Variants in ABCB10 observed in about 807,000 individuals in gnomAD.
ABCB10 encodes the protein ATP-binding cassette sub-family B member 10, mitochondrial.
ABCB10 carries 54 observed loss-of-function variants against 65.4 expected under a neutral mutation model. That is an observed-to-expected ratio of 0.83 (90% CI 0.66 to 1.04). The LOEUF is 1.04. ABCB10 is among the 50% of genes least tolerant of loss of function. The probability of loss-of-function intolerance (pLI) is 0.00; values close to 1 mark genes in which losing one functional copy is unlikely to be tolerated. For missense variants in ABCB10, 846 were observed against 976.6 expected (o/e 0.87, Z 1.78); for synonymous variants, 418 against 406.5 (o/e 1.03, Z -0.34).
In ABCB10 at chr1:229,528,736, C is replaced by T. The variant is rs531814224; in HGVS notation, c.1646-1428G>A. Among the ~76,000 whole-genome samples, 40 of 151,838 alleles carry T rather than the reference C, an allele frequency of 2.6e-4. 1 individual carries two copies. In the South Asian group the frequency reaches 4.2e-3, roughly 16 times the overall value. On this transcript the variant is annotated intron_variant, in intron 8 of 12. Coordinates refer to ENST00000344517, the MANE Select transcript of ABCB10 (RefSeq NM_012089.3). The stretch of plus-strand genomic sequence containing the variant: ...AGTGACAGGGTCTCACTATGTTACC[C>T]GGGCTGGTCTCCAACTTGTGGCCTC...
chr1:229,535,051 A>T (rs1305659303), intron 6 of ABCB10: 1 of 146,212 alleles, frequency 6.8e-6, no homozygotes, highest in Admixed American at 6.7e-5. Flanking sequence ...AAAAAAAAAA[A>T]AAAAAAAAAA....
At chr1:229,530,122 G>T in intron 8 of ABCB10, 77 bp downstream of exon 8, 2 of 1,399,770 alleles carry the variant, frequency 1.4e-6, no homozygotes, top group South Asian at 1.2e-5. Flanking sequence ...TGCATGGTTT[G>T]AGCATCTCCT....
chr1:229,536,593 G>A (rs1245619841), intron 6 of ABCB10, among the ~76,000 whole-genome samples: 1 of 152,162 alleles, frequency 6.6e-6, no homozygotes, highest in Non-Finnish European at 1.5e-5. Flanking sequence ...AACAACAAAA[G>A]CACAATGGCC....
rs771905549 is a variant in ABCB10 at position 229,539,513 on chromosome 1, C to T, written c.1282G>A (p.Val428Met). Reference sequence around the variant, plus strand: ...ATTAGGAAGGAAGAGAGTTCACCCACGGTCATGTGGGCACTGCCCATCAGC... The same window carrying T: ...ATTAGGAAGGAAGAGAGTTCACCCATGGTCATGTGGGCACTGCCCATCAGC... ...GLLMGSAHMT[V>M]GELSSFLMYA... Residue 428 changes from valine (V) to methionine (M), a missense_variant, in exon 6 of 13, where the codon GTG becomes ATG. Transcript: ENST00000344517. The T allele has an allele frequency of 6.9e-5, 112 of 1,613,920 alleles. No homozygotes were observed. The highest frequency in any genetic ancestry group is 9.9e-5 in the South Asian group (9 of 91,074).
At chr1:229,531,529 C>T (rs1662583622) in intron 7 of ABCB10, 107 bp downstream of exon 7, 1 of 1,119,848 alleles carries the variant, frequency 8.9e-7, no homozygotes. Context: ...GGAGCCACAT[C>T]CTTACTGTGG....
intron 8 of ABCB10, among the ~76,000 whole-genome samples, chr1:229,527,901 T>C (rs765470506): frequency 6.6e-6 from 1 of 152,234 alleles, no homozygotes; most frequent in Non-Finnish European, 1.5e-5. Flanking sequence ...TTATTACTCC[T>C]TAAAATATCC....
At position 229,520,704 on chromosome 1, in the gene ABCB10, T is replaced by TA. The variant is rs74308427; in HGVS notation, c.1950+887dup. On this transcript the variant is annotated intron_variant, in intron 11 of 12. Transcript: ENST00000344517. Reference sequence around the variant, plus strand: ...TCAACAAATAGGGATCCATCCATACTACTTAACAGTAGAAGGGAATAAAGT... The same window carrying TA: ...TCAACAAATAGGGATCCATCCATACTAACTTAACAGTAGAAGGGAATAAAGT... 2.0e-5 allele frequency among the ~76,000 whole-genome samples: 3 copies of TA among 152,226 alleles called. No homozygotes were observed. In the East Asian group the frequency reaches 5.8e-4, roughly 29 times the overall value.
intron 1 of ABCB10, among the ~76,000 whole-genome samples, chr1:229,557,262 A>G (rs112377682): frequency 6.6e-6 from 1 of 152,242 alleles, no homozygotes; most frequent in African/African-American, 2.4e-5. Flanking sequence ...CACAGCCCAC[A>G]GGTGCAGGTT....
At chr1:229,544,637 T>C (rs964113380) in intron 3 of ABCB10, among the ~76,000 whole-genome samples, 2 of 152,206 alleles carry the variant, frequency 1.3e-5, no homozygotes, top group African/African-American at 4.8e-5. Context: ...AGCCACTTCC[T>C]GAGGCCCTTT....
intron 10 of ABCB10, among the ~76,000 whole-genome samples, chr1:229,525,000 C>T (rs1662402819): frequency 6.6e-6 from 1 of 152,028 alleles, no homozygotes; most frequent in Non-Finnish European, 1.5e-5. Context: ...ATTACAGGTG[C>T]CCACCACCAC....
intron 10 of ABCB10, among the ~76,000 whole-genome samples, chr1:229,522,356 A>G (rs1400566851): frequency 6.6e-6 from 1 of 151,598 alleles, no homozygotes; most frequent in Admixed American, 6.6e-5. Context: ...ACAGGCCCAT[A>G]CCACCAAACC....
chr1:229,530,541 G>A (rs752620873), intron 7 of ABCB10, 133 bp from the exon 8 acceptor site: 113 of 906,700 alleles, frequency 1.2e-4, no homozygotes, highest in Non-Finnish European at 1.6e-4. Context: ...AGCTCTTAAA[G>A]GGCAAGTCAG....
chr1:229,533,699 T>G (rs545725079), intron 6 of ABCB10, among the ~76,000 whole-genome samples: 1 of 152,328 alleles, frequency 6.6e-6, no homozygotes, highest in East Asian at 1.9e-4. Flanking sequence ...TATTATCTTT[T>G]TAACAAATGG....
At chr1:229,550,297 G>A (rs1012488005) in intron 1 of ABCB10, among the ~76,000 whole-genome samples, 1 of 151,938 alleles carries the variant, frequency 6.6e-6, no homozygotes, top group Non-Finnish European at 1.5e-5. Flanking sequence ...AGGCTGAGGT[G>A]GGTGGATTGT....
At chr1:229,523,105 C>T (rs58337893) in intron 10 of ABCB10, among the ~76,000 whole-genome samples, 1 of 152,268 alleles carries the variant, frequency 6.6e-6, no homozygotes, top group East Asian at 1.9e-4. Flanking sequence ...CTGAAAATTA[C>T]AGTAAGTCAC....
intron 1 of ABCB10, among the ~76,000 whole-genome samples, chr1:229,550,863 CAA>C (rs972675375): frequency 3.3e-5 from 4 of 121,660 alleles, no homozygotes; most frequent in Non-Finnish European, 3.5e-5. Context: ...GACTCTGTCT[CAA>C]AAAAAAAAAA....
intron 8 of ABCB10, among the ~76,000 whole-genome samples, chr1:229,528,525 T>C (rs927205): frequency 0.037 from 5,661 of 152,176 alleles, 291 homozygotes; most frequent in African/African-American, 0.12. Flanking sequence ...AAGAAAGTGA[T>C]TCCAGAGACA....
chr1:229,550,778 C>T (rs1032618316), intron 1 of ABCB10, among the ~76,000 whole-genome samples: 24 of 150,420 alleles, frequency 1.6e-4, no homozygotes, highest in African/African-American at 5.1e-4. Flanking sequence ...GCAAGAGAAT[C>T]GCTTGAACCC....
intron 6 of ABCB10, chr1:229,531,947 G>GTTTTT (rs34289048): frequency 3.0e-4 from 40 of 132,754 alleles, no homozygotes; most frequent in Non-Finnish European, 3.5e-4. Flanking sequence ...CAGTTTCATA[G>GTTTTT]TTTTTTTTTT....
Sources: allele counts gnomAD v4.1 joint callset (sites outside exome capture counted in the v4.1 genomes callset), GRCh38; gene constraint gnomAD v4.1.1; transcripts MANE v1.5; gene names NCBI Gene and HGNC (gene_info 2026-07-23, HGNC 2026-07-21).